Variants in MIR2052HG observed in about 807,000 individuals in gnomAD.
MIR2052HG encodes MIR2052 host gene.
chr8:74,630,161 C>T (rs2128733980), intron 2 of MIR2052HG, among the ~76,000 whole-genome samples: 1 of 152,284 alleles, frequency 6.6e-6, no homozygotes, highest in East Asian at 1.9e-4. Flanking sequence ...TAATGCTAAA[C>T]ACATTTTTTT....
intron 2 of MIR2052HG, among the ~76,000 whole-genome samples, chr8:74,686,096 GA>G (rs1288418536): frequency 2.0e-5 from 3 of 148,394 alleles, no homozygotes; most frequent in South Asian, 2.1e-4. Context: ...AATCTCTGGA[GA>G]TTTTTTTTTT....
chr8:74,735,652 T>A (rs1402992681), intron 4 of MIR2052HG, among the ~76,000 whole-genome samples: 1 of 152,244 alleles, frequency 6.6e-6, no homozygotes, highest in Non-Finnish European at 1.5e-5. Flanking sequence ...CTTCATGAGA[T>A]TCACAATAAA....
intron 4 of MIR2052HG, among the ~76,000 whole-genome samples, chr8:74,734,022 G>T (rs1809722123): frequency 6.6e-6 from 1 of 152,230 alleles, no homozygotes; most frequent in Non-Finnish European, 1.5e-5. Flanking sequence ...CGCAGCAAAA[G>T]AAACTACCAT....
chr8:74,612,959 T>G (rs1808221631), intron 2 of MIR2052HG: 3 of 456,016 alleles, frequency 6.6e-6, no homozygotes, highest in Non-Finnish European at 1.3e-5. Flanking sequence ...GATCTTTGAG[T>G]GCAGCTGCAC....
At chr8:74,710,281 T>C (rs941036602) in intron 4 of MIR2052HG, among the ~76,000 whole-genome samples, 39 of 152,070 alleles carry the variant, frequency 2.6e-4, no homozygotes, top group African/African-American at 9.4e-4. Flanking sequence ...TCCACCAATT[T>C]TGATTATATT....
At chr8:74,687,574 C>T (rs1219451254) in intron 2 of MIR2052HG, among the ~76,000 whole-genome samples, 1 of 152,054 alleles carries the variant, frequency 6.6e-6, no homozygotes, top group South Asian at 2.1e-4. Context: ...TAGAATAAGC[C>T]AGGCGCAGAG....
chr8:74,709,743 G>A, intron 4 of MIR2052HG, among the ~76,000 whole-genome samples: 1 of 152,230 alleles, frequency 6.6e-6, no homozygotes, highest in Admixed American at 6.5e-5. Context: ...AGTATTTCAT[G>A]TGTGCTGTGC....
At chr8:74,661,198 T>G (rs1808860605) in intron 2 of MIR2052HG, among the ~76,000 whole-genome samples, 1 of 147,330 alleles carries the variant, frequency 6.8e-6, no homozygotes, top group Non-Finnish European at 1.5e-5. Context: ...CCAGCTTAGG[T>G]CCTTTTTTTT....
chr8:74,709,423 T>G (rs1159001075), intron 4 of MIR2052HG, among the ~76,000 whole-genome samples: 1 of 151,988 alleles, frequency 6.6e-6, no homozygotes, highest in African/African-American at 2.4e-5. Context: ...ATAGACAACA[T>G]CAGACCTTTT....
rs114679048 is a variant in MIR2052HG, at chr8:74,656,694, A to G, written n.216+43754A>G. ...CAGGGCCATGTGATAGAGTTGGACC[A>G]GGAGATTGTCTTTGAACCTGCTCAG... On this transcript the variant is annotated intron_variant and non_coding_transcript_variant, in intron 2 of 6. Transcript: ENST00000523442. 2.4e-3 allele frequency among the ~76,000 whole-genome samples: 367 copies of G among 152,276 alleles called. 3 individuals carry two copies. Among genetic ancestry groups the G allele is most frequent in the African/African-American group, 8.5e-3 (353 of 41,564 alleles).
intron 4 of MIR2052HG, among the ~76,000 whole-genome samples, chr8:74,745,588 T>G (rs1389688935): frequency 6.6e-6 from 1 of 151,904 alleles, no homozygotes; most frequent in Non-Finnish European, 1.5e-5. Flanking sequence ...TCACTGTAAA[T>G]AGGCATGCAA....
At chr8:74,722,264 G>A (rs1450028923) in intron 4 of MIR2052HG, among the ~76,000 whole-genome samples, 2 of 152,180 alleles carry the variant, frequency 1.3e-5, no homozygotes, top group Non-Finnish European at 2.9e-5. Context: ...AGCAGCCTCT[G>A]CAGAAGGCTC....
At chr8:74,743,854 A>T (rs1301427407) in intron 4 of MIR2052HG, among the ~76,000 whole-genome samples, 2 of 152,192 alleles carry the variant, frequency 1.3e-5, no homozygotes, top group African/African-American at 4.8e-5. Flanking sequence ...AACCAAGGTG[A>T]TCATGAGCCC....
intron 2 of MIR2052HG, among the ~76,000 whole-genome samples, chr8:74,673,910 TACACACACA>T (rs1809021684): frequency 1.4e-4 from 18 of 133,210 alleles, no homozygotes; most frequent in African/African-American, 4.1e-4. Flanking sequence ...TATATATATA[TACACACACA>T]AAATATCTAT....
chr8:74,613,140 T>C (rs368025418), intron 2 of MIR2052HG, among the ~76,000 whole-genome samples: 2 of 152,134 alleles, frequency 1.3e-5, no homozygotes, highest in East Asian at 3.8e-4. Flanking sequence ...AATCTCTGGG[T>C]TGAGGCTGAA....
At chr8:74,649,562 G>T (rs1563522740) in intron 2 of MIR2052HG, among the ~76,000 whole-genome samples, 1 of 151,818 alleles carries the variant, frequency 6.6e-6, no homozygotes, top group East Asian at 1.9e-4. Context: ...AAAGTTTATT[G>T]TTCTTAGGCA....
intron 2 of MIR2052HG, among the ~76,000 whole-genome samples, chr8:74,650,130 A>C (rs950359345): frequency 2.0e-5 from 3 of 152,212 alleles, no homozygotes; most frequent in Non-Finnish European, 4.4e-5. Flanking sequence ...TAATATAAGC[A>C]TACAGTCTGA....
intron 2 of MIR2052HG, among the ~76,000 whole-genome samples, chr8:74,673,204 T>C (rs1467505487): frequency 6.6e-6 from 1 of 152,050 alleles, no homozygotes; most frequent in Non-Finnish European, 1.5e-5. Context: ...TACCCAGGCT[T>C]TCCAGCTGAA....
intron 5 of MIR2052HG, among the ~76,000 whole-genome samples, chr8:74,754,867 A>G (rs1426685303): frequency 1.3e-5 from 2 of 152,230 alleles, no homozygotes; most frequent in African/African-American, 4.8e-5. Context: ...AACTCTCACT[A>G]CAAACTAGGC....
Sources: allele counts gnomAD v4.1 joint callset (sites outside exome capture counted in the v4.1 genomes callset), GRCh38; gene constraint gnomAD v4.1.1; transcripts MANE v1.5; gene names NCBI Gene and HGNC (gene_info 2026-07-23, HGNC 2026-07-21).